RNF115: variants seen among roughly 807,000 people sequenced by gnomAD.
The protein encoded by RNF115 is E3 ubiquitin-protein ligase RNF115.
Under a neutral mutation model 39.2 loss-of-function variants are expected in RNF115, and 31 were observed. That is an observed-to-expected ratio of 0.79 (90% CI 0.59 to 1.07). RNF115 has a LOEUF of 1.07. RNF115 is among the 50% of genes least tolerant of loss of function. The probability of loss-of-function intolerance (pLI) is 0.00; values close to 1 mark genes in which losing one functional copy is unlikely to be tolerated. For synonymous variants in RNF115, 124 were observed against 131.0 expected, an observed-to-expected ratio of 0.95 and a Z score of 0.37; for missense variants, 384 against 381.7, an observed-to-expected ratio of 1.01 and a Z score of -0.05.
intron 4 of RNF115, among the ~76,000 whole-genome samples, chr1:145,759,632 CTT>C (rs1262080255): frequency 6.6e-6 from 1 of 152,202 alleles, no homozygotes; most frequent in Non-Finnish European, 1.5e-5. Context: ...TCTGCTGTGT[CTT>C]TGCCTCGCAC....
At chr1:145,757,196 A>T (rs1190165622) in intron 4 of RNF115, among the ~76,000 whole-genome samples, 1 of 152,092 alleles carries the variant, frequency 6.6e-6, no homozygotes, top group Non-Finnish European at 1.5e-5. Flanking sequence ...ATCCAGTGTG[A>T]TCTTACTATA....
Position 145,746,734 on chromosome 1 carries a change from T to C in RNF115, c.*132A>G, listed in dbSNP as rs1324790814. The C allele has an allele frequency of 3.5e-6, 3 of 855,994 alleles. No individual in the cohort carries two copies. In the East Asian group the frequency reaches 8.1e-5, roughly 23 times the overall value. The allele number at this position is 855,994 out of a possible 1,614,324, so 53.0% of individuals were successfully genotyped here. ...ACTTTAAATTTAAAGAAGAAAAACA[T>C]TCATTGCATTTATATTATGTGTTGA... On this transcript the variant is annotated 3_prime_UTR_variant, in exon 9 of 9. Coordinates refer to ENST00000582693, the MANE Select transcript of RNF115 (RefSeq NM_014455.4).
intron 1 of RNF115, among the ~76,000 whole-genome samples, chr1:145,811,370 A>AAAAG (rs1553722527): frequency 1.4e-5 from 2 of 146,618 alleles, no homozygotes; most frequent in African/African-American, 5.1e-5. Context: ...AAAAAAAAAA[A>AAAAG]AAAAAGAAAA....
chr1:145,788,566 T>C (rs947721304), intron 2 of RNF115, among the ~76,000 whole-genome samples: 1 of 152,182 alleles, frequency 6.6e-6, no homozygotes, highest in African/African-American at 2.4e-5. Flanking sequence ...AACCAACTAA[T>C]AATCTAAGAG....
At chr1:145,803,537 C>T (rs1269848076) in intron 1 of RNF115, among the ~76,000 whole-genome samples, 13 of 152,090 alleles carry the variant, frequency 8.5e-5, no homozygotes, top group Admixed American at 7.9e-4. Context: ...TACAGGTGCC[C>T]GCCATTATGC....
At chr1:145,768,375 G>A (rs1647478096) in intron 4 of RNF115, among the ~76,000 whole-genome samples, 1 of 152,186 alleles carries the variant, frequency 6.6e-6, no homozygotes, top group Non-Finnish European at 1.5e-5. Context: ...GAGTACAGTG[G>A]CGCAATCTCG....
At chr1:145,756,689 A>G (rs1658305651) in intron 4 of RNF115, among the ~76,000 whole-genome samples, 1 of 152,058 alleles carries the variant, frequency 6.6e-6, no homozygotes, top group African/African-American at 2.4e-5. Context: ...GATCAATTCC[A>G]TGATTCTCTC....
chr1:145,784,977 T>C (rs782696810), intron 2 of RNF115, among the ~76,000 whole-genome samples: 1 of 152,174 alleles, frequency 6.6e-6, no homozygotes, highest in Non-Finnish European at 1.5e-5. Flanking sequence ...GAACACAACA[T>C]TTGAGGCTAC....
At chr1:145,783,687 C>T (rs1428621505) in intron 3 of RNF115, among the ~76,000 whole-genome samples, 7 of 152,022 alleles carry the variant, frequency 4.6e-5, no homozygotes, top group Admixed American at 3.3e-4. Context: ...ATAGGGTACA[C>T]ATACAAACAA....
intron 4 of RNF115, among the ~76,000 whole-genome samples, chr1:145,756,378 T>G (rs1450512281): frequency 4.6e-5 from 7 of 151,876 alleles, no homozygotes; most frequent in Non-Finnish European, 8.8e-5. Flanking sequence ...GAGAATCACT[T>G]GAACCCAGGA....
intron 1 of RNF115, among the ~76,000 whole-genome samples, chr1:145,804,481 T>C (rs1649379699): frequency 7.3e-6 from 1 of 137,460 alleles, no homozygotes; most frequent in Admixed American, 7.8e-5. Flanking sequence ...GTTGTCCACC[T>C]TAAATGCATG....
At chr1:145,783,163 C>T (rs1553717690) in intron 3 of RNF115, among the ~76,000 whole-genome samples, 1 of 152,052 alleles carries the variant, frequency 6.6e-6, no homozygotes, top group African/African-American at 2.4e-5. Context: ...GTGCCTGGCC[C>T]AGAACACATA....
At chr1:145,753,658 A>G (rs1658183459) in intron 4 of RNF115, among the ~76,000 whole-genome samples, 1 of 152,220 alleles carries the variant, frequency 6.6e-6, no homozygotes, top group South Asian at 2.1e-4. Context: ...GTGATGCCTC[A>G]GCAAAAGAAA....
intron 1 of RNF115, among the ~76,000 whole-genome samples, chr1:145,822,001 A>G (rs1194748441): frequency 1.3e-5 from 2 of 151,642 alleles, no homozygotes; most frequent in African/African-American, 4.8e-5. Context: ...AAAAAAAAAC[A>G]TAAACACACA....
intron 1 of RNF115, among the ~76,000 whole-genome samples, chr1:145,804,551 G>C (rs1452337472): frequency 4.6e-5 from 7 of 150,736 alleles, no homozygotes; most frequent in Non-Finnish European, 1.0e-4. Context: ...TGGAAACACA[G>C]AATAACCAAC....
At chr1:145,814,538 G>A (rs1225584901) in intron 1 of RNF115, among the ~76,000 whole-genome samples, 2 of 150,910 alleles carry the variant, frequency 1.3e-5, no homozygotes, top group Admixed American at 6.6e-5. Flanking sequence ...AGCCGAGATC[G>A]TGCCACTGCA....
Position 145,824,004 on chromosome 1 carries a change from C to T in RNF115, c.-131G>A. ...CCACCGCTTCAGAGCCCGCGTCGGT[C>T]ACGTGAGTTGGCCAGGCCCAGAAAC... On this transcript the variant is annotated 5_prime_UTR_variant, in exon 1 of 9. Transcript: ENST00000582693. The T allele has an allele frequency of 1.6e-6, 1 of 636,290 alleles. No individual in the cohort carries two copies. Among genetic ancestry groups the T allele is most frequent in the Non-Finnish European group, 2.4e-6 (1 of 409,834 alleles). 39.4% of individuals were successfully genotyped at this position (636,290 alleles called of 1,614,324 possible). A position where few individuals can be genotyped will look rare whatever the true frequency, so the allele number is the denominator to read the frequency against.
At chr1:145,785,409 G>A (rs1474294519) in intron 2 of RNF115, among the ~76,000 whole-genome samples, 1 of 152,082 alleles carries the variant, frequency 6.6e-6, no homozygotes, top group Non-Finnish European at 1.5e-5. Context: ...AAAAGTTGTT[G>A]AATTAATCAC....
At chr1:145,757,487 T>C (rs1266917462) in intron 4 of RNF115, among the ~76,000 whole-genome samples, 1 of 152,050 alleles carries the variant, frequency 6.6e-6, no homozygotes, top group Non-Finnish European at 1.5e-5. Flanking sequence ...GGTGGAAAAA[T>C]AGTACAAAAT....
Sources: allele counts gnomAD v4.1 joint callset (sites outside exome capture counted in the v4.1 genomes callset), GRCh38; gene constraint gnomAD v4.1.1; transcripts MANE v1.5; gene names NCBI Gene and HGNC (gene_info 2026-07-23, HGNC 2026-07-21).